The following R3HDM2 variants were observed in gnomAD, a reference collection of about 807,000 sequenced individuals.
R3HDM2 encodes the protein R3H domain-containing protein 2.
R3HDM2 carries 38 observed loss-of-function variants against 124.5 expected under a neutral mutation model. The ratio of observed to expected loss-of-function variants is 0.31; its 90% CI spans 0.24 to 0.40. The LOEUF (loss-of-function observed/expected upper bound fraction) is 0.40. R3HDM2 is among the 10% of genes least tolerant of loss of function. The pLI is 1.00. For synonymous variants in R3HDM2, 391 were observed against 448.0 expected (o/e 0.87, Z 1.61); for missense variants, 869 against 1,236.9 (o/e 0.70, Z 4.46).
intron 2 of R3HDM2, among the ~76,000 whole-genome samples, chr12:57,333,417 C>A (rs773581180): frequency 3.9e-5 from 6 of 152,172 alleles, no homozygotes; most frequent in Non-Finnish European, 7.3e-5. Context: ...AGGCCAGGCA[C>A]AGTGGCTCAT....
chr12:57,353,512 T>C (rs533658222), intron 2 of R3HDM2, among the ~76,000 whole-genome samples: 40 of 152,332 alleles, frequency 2.6e-4, no homozygotes, highest in Non-Finnish European at 4.3e-4. Context: ...TTATACACCA[T>C]TGAATAGATA....
chr12:57,344,780 A>G (rs1182775139), intron 2 of R3HDM2, among the ~76,000 whole-genome samples: 1 of 152,118 alleles, frequency 6.6e-6, no homozygotes, highest in African/African-American at 2.4e-5. Context: ...TCAAATGTGA[A>G]CACTGAATTT....
chr12:57,303,062 C>T (rs2051627921), intron 4 of R3HDM2, 114 bp downstream of exon 4: 1 of 977,516 alleles, frequency 1.0e-6, no homozygotes, highest in Non-Finnish European at 1.6e-6. Flanking sequence ...GTACAGAGTA[C>T]AGGCAAGAAA....
intron 11 of R3HDM2, among the ~76,000 whole-genome samples, chr12:57,290,892 G>T (rs999898429): frequency 6.6e-6 from 1 of 152,138 alleles, no homozygotes; most frequent in Non-Finnish European, 1.5e-5. Flanking sequence ...GATTACAGTC[G>T]TGACCCACAG....
chr12:57,408,183 G>A (rs532217625), intron 1 of R3HDM2, among the ~76,000 whole-genome samples: 5 of 152,170 alleles, frequency 3.3e-5, no homozygotes, highest in Admixed American at 2.0e-4. Context: ...CTCCCACCTC[G>A]GCCTCCCAAA....
At chr12:57,359,136 T>G (rs1013157249) in intron 2 of R3HDM2, among the ~76,000 whole-genome samples, 2 of 152,048 alleles carry the variant, frequency 1.3e-5, no homozygotes, top group African/African-American at 4.8e-5. Flanking sequence ...AGGCTGGTCT[T>G]GAACTCCTGA....
chr12:57,349,567 T>G (rs75682348), intron 2 of R3HDM2, among the ~76,000 whole-genome samples: 283 of 136,944 alleles, frequency 2.1e-3, no homozygotes, highest in Non-Finnish European at 2.2e-3. Flanking sequence ...TTTTTGGTTG[T>G]TTTTTTTTTT....
chr12:57,342,447 C>T (rs1241939835), intron 2 of R3HDM2, among the ~76,000 whole-genome samples: 1 of 152,078 alleles, frequency 6.6e-6, no homozygotes, highest in African/African-American at 2.4e-5. Context: ...GCTCTGCCAA[C>T]AGTCACACTG....
chr12:57,362,439 GT>G (rs1388491598), intron 2 of R3HDM2, among the ~76,000 whole-genome samples: 2 of 152,158 alleles, frequency 1.3e-5, no homozygotes, highest in African/African-American at 4.8e-5. Context: ...TTAATCAACT[GT>G]TTATGGTTAT....
rs552382072 is a variant in R3HDM2 at position 57,347,200 on chromosome 12, T to G, written c.-35-36737A>C. Among the ~76,000 whole-genome samples the G allele has an allele frequency of 3.1e-3, 469 of 152,088 alleles. 4 individuals carry two copies. The highest frequency in any genetic ancestry group is 6.0e-3 in the Admixed American group (92 of 15,252). ...GTTTGAAGCTGCAATGAGCTGTATC[T>G]GTGCCACCGCACTCCAGCCTGGATG... On this transcript the variant is annotated intron_variant, in intron 2 of 23. Coordinates refer to ENST00000402412, the MANE Select transcript of R3HDM2 (RefSeq NM_001394031.1).
At chr12:57,384,303 G>A (rs1026554305) in intron 2 of R3HDM2, among the ~76,000 whole-genome samples, 2 of 150,730 alleles carry the variant, frequency 1.3e-5, no homozygotes, top group African/African-American at 2.4e-5. Context: ...GCAGTGAGCC[G>A]AGATCACGCC....
intron 1 of R3HDM2, among the ~76,000 whole-genome samples, chr12:57,402,717 C>G (rs1013623875): frequency 6.6e-6 from 1 of 151,942 alleles, no homozygotes; most frequent in African/African-American, 2.4e-5. Flanking sequence ...CTGCAGTGAG[C>G]TGAGATCACA....
chr12:57,306,495 G>A (rs562340987), intron 3 of R3HDM2, among the ~76,000 whole-genome samples: 7 of 150,922 alleles, frequency 4.6e-5, no homozygotes, highest in African/African-American at 1.7e-4. Context: ...TGCAACCTCC[G>A]CCTCCTGGGT....
chr12:57,299,593 G>A (rs1438551426), intron 5 of R3HDM2, 115 bp from the exon 6 acceptor site: 3 of 1,087,802 alleles, frequency 2.8e-6, no homozygotes, highest in Non-Finnish European at 3.9e-6. Context: ...ATAGATTAGT[G>A]TTATTTTGCT....
At chr12:57,380,208 T>C (rs1450897140) in intron 2 of R3HDM2, among the ~76,000 whole-genome samples, 1 of 152,216 alleles carries the variant, frequency 6.6e-6, no homozygotes, top group Non-Finnish European at 1.5e-5. Context: ...GCCAAGTCTA[T>C]GAACTATATC....
intron 11 of R3HDM2, among the ~76,000 whole-genome samples, chr12:57,289,708 C>T (rs2048197204): frequency 6.6e-6 from 1 of 152,234 alleles, no homozygotes; most frequent in East Asian, 1.9e-4. Context: ...TGTCCAGCTG[C>T]TGAGCAGAGT....
chr12:57,406,397 T>C (rs2068529991), intron 1 of R3HDM2, among the ~76,000 whole-genome samples: 1 of 151,914 alleles, frequency 6.6e-6, no homozygotes, highest in Admixed American at 6.6e-5. Flanking sequence ...ATAATGACTA[T>C]TTTTTAAAAA....
chr12:57,316,404 A>G (rs762126506), intron 2 of R3HDM2, among the ~76,000 whole-genome samples: 12 of 152,120 alleles, frequency 7.9e-5, no homozygotes, highest in Non-Finnish European at 1.3e-4. Flanking sequence ...GTGAGACACA[A>G]AGGGACTTTG....
intron 2 of R3HDM2, among the ~76,000 whole-genome samples, chr12:57,330,694 CTTTTTTTTTTTT>C (rs10571548): frequency 2.8e-5 from 2 of 70,742 alleles, no homozygotes; most frequent in Non-Finnish European, 5.3e-5. Context: ...TAGGGCTTTT[CTTTTTTTTTTTT>C]TTTTTTTTTT....
Sources: allele counts gnomAD v4.1 joint callset (sites outside exome capture counted in the v4.1 genomes callset), GRCh38; gene constraint gnomAD v4.1.1; transcripts MANE v1.5; gene names NCBI Gene and HGNC (gene_info 2026-07-23, HGNC 2026-07-21).